MYLK: variants seen among roughly 807,000 people sequenced by gnomAD.
MYLK encodes myosin light chain kinase, smooth muscle.
Under a neutral mutation model 203.4 loss-of-function variants are expected in MYLK, and 106 were observed. The ratio of observed to expected loss-of-function variants is 0.52; its 90% CI spans 0.45 to 0.61. The LOEUF is 0.61. MYLK is among the 20% of genes least tolerant of loss of function. The pLI is 0.00. For synonymous variants in MYLK, 867 were observed against 959.5 expected (o/e 0.90, Z 1.78); for missense variants, 2,072 against 2,442.3 (o/e 0.85, Z 3.20).
chr3:123,662,644 G>A (rs1364572782), intron 23 of MYLK, among the ~76,000 whole-genome samples: 1 of 152,212 alleles, frequency 6.6e-6, no homozygotes, highest in East Asian at 1.9e-4. Context: ...AGATTCCAGT[G>A]GAAGACTTCT....
At chr3:123,867,497 G>T (rs2032416097) in intron 2 of MYLK, among the ~76,000 whole-genome samples, 1 of 151,570 alleles carries the variant, frequency 6.6e-6, no homozygotes, top group African/African-American at 2.4e-5. Flanking sequence ...GACATCATGT[G>T]AACATACACT....
intron 2 of MYLK, among the ~76,000 whole-genome samples, chr3:123,842,139 A>G (rs1001848260): frequency 2.6e-5 from 4 of 152,140 alleles, no homozygotes; most frequent in Admixed American, 2.6e-4. Flanking sequence ...CCACCTATAT[A>G]CTATTCATAA....
rs1387561628 is a variant in MYLK at position 123,648,724 on chromosome 3, AAAGG to A, written c.4415+243_4415+246del. Reference sequence around the variant, plus strand: ...CCTGGGCTCTGAACAGAGGCACAGAAAAGGAAGGACTTGCCCACAGCCTTTGCAG... The same window carrying A: ...CCTGGGCTCTGAACAGAGGCACAGAAAAGGACTTGCCCACAGCCTTTGCAG... On this transcript the variant is annotated intron_variant, in intron 26 of 33. Transcript: ENST00000360304. The surrounding 1 kb of genome is among the most constrained non-coding windows in gnomAD (Gnocchi z 4.5). Among the ~76,000 whole-genome samples the A allele has an allele frequency of 6.6e-6, 1 of 152,074 alleles. No individual in the cohort carries two copies. The highest frequency in any genetic ancestry group is 2.4e-5 in the African/African-American group (1 of 41,414).
intron 11 of MYLK, 107 bp from the exon 12 acceptor site, chr3:123,726,185 G>A: frequency 6.8e-7 from 1 of 1,465,246 alleles, no homozygotes. Flanking sequence ...GGACACCTGG[G>A]TACCCTCGGC....
chr3:123,882,522 T>C (rs534600538), intron 1 of MYLK, among the ~76,000 whole-genome samples: 2 of 152,360 alleles, frequency 1.3e-5, no homozygotes, highest in South Asian at 2.1e-4. Flanking sequence ...ACATGGGAGA[T>C]AAACCAGCAT....
intron 4 of MYLK, among the ~76,000 whole-genome samples, chr3:123,791,353 C>A (rs1246359971): frequency 2.0e-5 from 3 of 152,242 alleles, no homozygotes; most frequent in African/African-American, 4.8e-5. Flanking sequence ...AGAAACACCC[C>A]CTGTTTAACT....
chr3:123,794,535 G>A (rs1452928364), intron 3 of MYLK, among the ~76,000 whole-genome samples: 4 of 152,150 alleles, frequency 2.6e-5, no homozygotes, highest in African/African-American at 9.7e-5. Context: ...TATAACTGAA[G>A]CCCAGAGAGG....
At chr3:123,673,343 A>G (rs759864324) in intron 20 of MYLK, among the ~76,000 whole-genome samples, 3 of 151,580 alleles carry the variant, frequency 2.0e-5, no homozygotes, top group Non-Finnish European at 4.4e-5. Flanking sequence ...CAAACTCCTG[A>G]GCTCAAGTGA....
intron 3 of MYLK, among the ~76,000 whole-genome samples, chr3:123,813,527 T>A (rs1034818195): frequency 6.6e-6 from 1 of 152,066 alleles, no homozygotes; most frequent in Non-Finnish European, 1.5e-5. Flanking sequence ...TTTTTTTTTT[T>A]TGAGATGGAG....
intron 4 of MYLK, among the ~76,000 whole-genome samples, chr3:123,756,684 G>A (rs1010630745): frequency 6.6e-6 from 1 of 152,150 alleles, no homozygotes; most frequent in Non-Finnish European, 1.5e-5. Context: ...AGAAAACCAA[G>A]TAACCACAGA....
In MYLK at chr3:123,648,203, T is replaced by C. The variant is rs1405038068; in HGVS notation, c.4415+768A>G. Among the ~76,000 whole-genome samples the C allele has an allele frequency of 6.6e-6, 1 of 152,164 alleles. No homozygotes were observed. The highest frequency in any genetic ancestry group is 2.4e-5 in the African/African-American group (1 of 41,430). On this transcript the variant is annotated intron_variant, in intron 26 of 33. Coordinates refer to ENST00000360304, the MANE Select transcript of MYLK (RefSeq NM_053025.4). The surrounding 1 kb of genome is among the most constrained non-coding windows in gnomAD (Gnocchi z 4.5). ...CTTTCTCTCCCACCTCTTCTATTCCTCCAGGGACAGCGTAAGGGCAGATGA... is the reference window on the plus strand; with the variant it reads ...CTTTCTCTCCCACCTCTTCTATTCCCCCAGGGACAGCGTAAGGGCAGATGA...
At chr3:123,673,730 T>C (rs1455720166) in intron 20 of MYLK, among the ~76,000 whole-genome samples, 2 of 152,202 alleles carry the variant, frequency 1.3e-5, no homozygotes, top group African/African-American at 2.4e-5. Flanking sequence ...CTGTCAGCCC[T>C]GTGTCTCTCA....
At chr3:123,664,001 T>G in intron 23 of MYLK, 104 bp downstream of exon 23, 3 of 1,499,292 alleles carry the variant, frequency 2.0e-6, no homozygotes, top group Non-Finnish European at 2.8e-6. Flanking sequence ...ACAGGAGTGG[T>G]GAGAGATAAT....
In MYLK at chr3:123,700,333, C is replaced by T. The variant is rs1214095816; in HGVS notation, c.3135G>A (p.Glu1045=). The T allele has an allele frequency of 1.2e-6, 2 of 1,613,834 alleles. No homozygotes were observed. Among genetic ancestry groups the T allele is most frequent in the African/African-American group, 2.7e-5 (2 of 74,874 alleles). ...LKPMGNAKPA[E]TLKPMGNAKP... ...TGGCATTGCCCATGGGCTTCAGGGT[C>T]TCGGCAGGCTTGGCGTTGCCCATTG... The change falls in exon 18 of 34, where the codon GAG becomes GAA. Residue 1045 remains glutamate, a synonymous_variant. Coordinates refer to ENST00000360304, the MANE Select transcript of MYLK (RefSeq NM_053025.4).
chr3:123,697,790 C>G (rs190135931), intron 18 of MYLK, among the ~76,000 whole-genome samples: 4 of 152,348 alleles, frequency 2.6e-5, no homozygotes, highest in Middle Eastern at 3.4e-3. Flanking sequence ...ATTTGGGGCT[C>G]TCTCTGGAAT....
chr3:123,702,130 A>G (rs1340546943), intron 16 of MYLK, among the ~76,000 whole-genome samples: 3 of 152,118 alleles, frequency 2.0e-5, no homozygotes, highest in African/African-American at 7.2e-5. Flanking sequence ...CATGTCCATA[A>G]ACCTGGTCAG....
At chr3:123,826,860 C>A (rs940012018) in intron 3 of MYLK, among the ~76,000 whole-genome samples, 2 of 152,162 alleles carry the variant, frequency 1.3e-5, no homozygotes, top group Admixed American at 1.3e-4. Flanking sequence ...AATGCATCCA[C>A]CTAGAACCCA....
intron 16 of MYLK, among the ~76,000 whole-genome samples, chr3:123,706,342 T>G (rs2061461062): frequency 1.3e-5 from 2 of 152,122 alleles, no homozygotes; most frequent in African/African-American, 4.8e-5. Context: ...ACATATTGGG[T>G]TTTGCAGTAG....
At chr3:123,650,404 AG>A (rs1401661808) in intron 24 of MYLK, among the ~76,000 whole-genome samples, 2 of 151,978 alleles carry the variant, frequency 1.3e-5, no homozygotes, top group African/African-American at 4.8e-5. Context: ...GGATTTTTAA[AG>A]TGTGAGTGTG....
Sources: allele counts gnomAD v4.1 joint callset (sites outside exome capture counted in the v4.1 genomes callset), GRCh38; gene constraint gnomAD v4.1.1; non-coding constraint Gnocchi (gnomAD v3.1); transcripts MANE v1.5; gene names NCBI Gene and HGNC (gene_info 2026-07-23, HGNC 2026-07-21).